The following MVB12B variants were observed in gnomAD, a reference collection of about 807,000 sequenced individuals.
MVB12B encodes the protein multivesicular body subunit 12B, also known as ESCRT-I complex subunit MVB12B.
A neutral mutation model predicts 41.6 loss-of-function variants in MVB12B; 16 were observed. That is an observed-to-expected ratio of 0.38 (90% confidence interval 0.26 to 0.58). The LOEUF (loss-of-function observed/expected upper bound fraction) is 0.58. Among genes scored for constraint, MVB12B ranks in the 20% least tolerant of loss-of-function variants. The pLI is 0.62. For synonymous variants in MVB12B, 133 were observed against 139.7 expected (o/e 0.95, Z 0.34); for missense variants, 274 against 380.2 (o/e 0.72, Z 2.32).
intron 3 of MVB12B, among the ~76,000 whole-genome samples, chr9:126,383,733 G>A (rs371274614): frequency 7.9e-5 from 12 of 151,936 alleles, no homozygotes; most frequent in Non-Finnish European, 1.0e-4. Context: ...TAATGGTGTC[G>A]CAGACCCACT....
chr9:126,430,588 T>C (rs983868661), intron 7 of MVB12B, among the ~76,000 whole-genome samples: 1 of 151,396 alleles, frequency 6.6e-6, no homozygotes, highest in Admixed American at 6.6e-5. Context: ...TTTTTTTTTT[T>C]TAATTGAGGA....
At chr9:126,453,093 G>A (rs1832914214) in intron 7 of MVB12B, among the ~76,000 whole-genome samples, 1 of 152,040 alleles carries the variant, frequency 6.6e-6, no homozygotes, top group Non-Finnish European at 1.5e-5. Flanking sequence ...TCCCGGGATT[G>A]TGGTAAAGAC....
intron 9 of MVB12B, among the ~76,000 whole-genome samples, chr9:126,499,879 G>GA (rs2119239563): frequency 1.3e-5 from 2 of 148,874 alleles, no homozygotes; most frequent in South Asian, 4.3e-4. Context: ...CGCGGGCCGG[G>GA]AGAGAGGAGC....
intron 9 of MVB12B, among the ~76,000 whole-genome samples, chr9:126,497,933 T>C (rs57124607): frequency 0.26 from 39,771 of 152,002 alleles, 6,348 homozygotes; most frequent in African/African-American, 0.46. Context: ...GGAGGGGCCC[T>C]GGAATATGGC....
intron 2 of MVB12B, among the ~76,000 whole-genome samples, chr9:126,348,832 T>C (rs576839931): frequency 1.3e-5 from 2 of 152,262 alleles, no homozygotes; most frequent in South Asian, 2.1e-4. Flanking sequence ...AATGGTAAAG[T>C]CTTGCAGACT....
At chr9:126,450,264 T>C (rs1157686499) in intron 7 of MVB12B, among the ~76,000 whole-genome samples, 2 of 152,208 alleles carry the variant, frequency 1.3e-5, no homozygotes, top group Non-Finnish European at 2.9e-5. Context: ...AAGCTCCACT[T>C]CCTCTCATTA....
At chr9:126,482,297 C>A (rs1833540026) in intron 8 of MVB12B, among the ~76,000 whole-genome samples, 1 of 152,250 alleles carries the variant, frequency 6.6e-6, no homozygotes. Context: ...AACATGAAGG[C>A]CCCAGCTTGG....
At chr9:126,361,099 G>T (rs1023162579) in intron 2 of MVB12B, among the ~76,000 whole-genome samples, 6 of 151,926 alleles carry the variant, frequency 3.9e-5, no homozygotes, top group Admixed American at 3.3e-4. Context: ...TACCAATCTT[G>T]CTTTTTGTTT....
intron 7 of MVB12B, among the ~76,000 whole-genome samples, chr9:126,453,727 G>A (rs1489899013): frequency 2.6e-5 from 4 of 152,292 alleles, no homozygotes; most frequent in East Asian, 3.9e-4. Context: ...ACACTCTCAC[G>A]TGTACATACA....
intron 6 of MVB12B, among the ~76,000 whole-genome samples, chr9:126,421,434 C>T (rs900105617): frequency 6.6e-6 from 1 of 152,204 alleles, no homozygotes; most frequent in African/African-American, 2.4e-5. Context: ...AGCAGCCCTG[C>T]GGTGTAGGAA....
chr9:126,499,618 C>A (rs928988819), intron 9 of MVB12B, among the ~76,000 whole-genome samples: 1 of 152,062 alleles, frequency 6.6e-6, no homozygotes, highest in Non-Finnish European at 1.5e-5. Context: ...GCGGGAGGAG[C>A]GGGCAGGGAC....
chr9:126,366,486 G>A (rs1830185281), intron 2 of MVB12B, among the ~76,000 whole-genome samples: 1 of 152,176 alleles, frequency 6.6e-6, no homozygotes, highest in Admixed American at 6.5e-5. Context: ...CACTTTAACT[G>A]TGTTTAGTTT....
At chr9:126,461,372 T>C (rs1833085375) in intron 7 of MVB12B, among the ~76,000 whole-genome samples, 1 of 150,790 alleles carries the variant, frequency 6.6e-6, no homozygotes, top group African/African-American at 2.4e-5. Flanking sequence ...TCACTATATA[T>C]AAAAAAAAAA....
chr9:126,501,894 G>A (rs528369110), intron 9 of MVB12B, among the ~76,000 whole-genome samples: 2 of 152,064 alleles, frequency 1.3e-5, no homozygotes, highest in African/African-American at 2.4e-5. Context: ...GGCACCCCAG[G>A]GCCCTCCCTG....
At chr9:126,434,101 A>G (rs1267767493) in intron 7 of MVB12B, among the ~76,000 whole-genome samples, 1 of 152,212 alleles carries the variant, frequency 6.6e-6, no homozygotes, top group Non-Finnish European at 1.5e-5. Context: ...GATCTTTTTT[A>G]GAACAACGAA....
chr9:126,409,119 G>GA (rs1831542316), intron 6 of MVB12B, among the ~76,000 whole-genome samples: 1 of 152,120 alleles, frequency 6.6e-6, no homozygotes, highest in East Asian at 1.9e-4. Flanking sequence ...CCATTGTGGG[G>GA]GGGGGCTCAG....
chr9:126,376,544 G>A lies in MVB12B; in HGVS notation c.205-4520G>A, dbSNP rs932000766. On this transcript the variant is annotated intron_variant, in intron 2 of 9. Transcript: ENST00000361171. The surrounding 1 kb of genome is among the most constrained non-coding windows in gnomAD (Gnocchi z 4.1). ...GACGAGCAGGGAGCTGGCTCAGATCGTGGGCTGGTCCACCCTGGCGCTTTC... is the reference window on the plus strand; with the variant it reads ...GACGAGCAGGGAGCTGGCTCAGATCATGGGCTGGTCCACCCTGGCGCTTTC... 17 of 1,289,356 alleles carry A rather than the reference G, an allele frequency of 1.3e-5. No homozygotes were observed. The highest frequency in any genetic ancestry group is 1.5e-5 in the African/African-American group (1 of 65,970). The allele number at this position is 1,289,356 out of a possible 1,614,324, so 79.9% of individuals were successfully genotyped here.
In MVB12B at chr9:126,506,257, A is replaced by AGGCCAGGCTCTC. The variant is rs1233578451; in HGVS notation, c.*2995_*3006dup. The AGGCCAGGCTCTC allele has an allele frequency of 6.6e-6, 1 of 152,652 alleles. No individual in the cohort carries two copies. The highest frequency in any genetic ancestry group is 1.5e-5 in the Non-Finnish European group (1 of 68,044). The allele number at this position is 152,652 out of a possible 1,614,324, so 9.5% of individuals were successfully genotyped here. A position where few individuals can be genotyped will look rare whatever the true frequency, so the allele number is the denominator to read the frequency against. ...AAGCACCTGTTCCTGGCCAGGCTCTAGGCCAGGCTCTCTAAGCACATTTCT... is the reference window on the plus strand; with the variant it reads ...AAGCACCTGTTCCTGGCCAGGCTCTAGGCCAGGCTCTCGGCCAGGCTCTCTAAGCACATTTCT... On this transcript the variant is annotated 3_prime_UTR_variant, in exon 10 of 10. Coordinates refer to ENST00000361171, the MANE Select transcript of MVB12B (RefSeq NM_033446.3).
intron 2 of MVB12B, among the ~76,000 whole-genome samples, chr9:126,371,760 A>C (rs1457586440): frequency 6.6e-6 from 1 of 152,228 alleles, no homozygotes; most frequent in Non-Finnish European, 1.5e-5. Context: ...ATATTCCGTG[A>C]ATAAGATAAG....
Sources: allele counts gnomAD v4.1 joint callset (sites outside exome capture counted in the v4.1 genomes callset), GRCh38; gene constraint gnomAD v4.1.1; non-coding constraint Gnocchi (gnomAD v3.1); transcripts MANE v1.5; gene names NCBI Gene and HGNC (gene_info 2026-07-23, HGNC 2026-07-21).